MYO1B: variants seen among roughly 807,000 people sequenced by gnomAD.
MYO1B encodes the protein unconventional myosin-Ib.
Under a neutral mutation model 159.7 loss-of-function variants are expected in MYO1B, and 72 were observed. The observed-to-expected ratio is 0.45, with a 90% CI of 0.37 to 0.55. The LOEUF is 0.55. Among genes scored for constraint, MYO1B ranks in the 20% least tolerant of loss-of-function variants. The pLI is 0.00. For synonymous variants in MYO1B, 468 were observed against 473.8 expected (o/e 0.99, Z 0.16); for missense variants, 1,062 against 1,364.8 (o/e 0.78, Z 3.50).
At chr2:191,412,546 A>G (rs1004367768) in intron 27 of MYO1B, among the ~76,000 whole-genome samples, 7 of 152,356 alleles carry the variant, frequency 4.6e-5, no homozygotes, top group African/African-American at 1.7e-4. Flanking sequence ...ACCACCCTGC[A>G]AAGTGGCAGC....
At chr2:191,397,898 G>C (rs1173058029) in intron 21 of MYO1B, among the ~76,000 whole-genome samples, 3 of 126,508 alleles carry the variant, frequency 2.4e-5, no homozygotes, top group Non-Finnish European at 5.0e-5. Flanking sequence ...AGGGGCGGCC[G>C]GGCAGAGGCG....
chr2:191,264,887 GATC>G (rs1404304924), intron 1 of MYO1B, among the ~76,000 whole-genome samples: 2 of 151,998 alleles, frequency 1.3e-5, no homozygotes, highest in East Asian at 3.9e-4. Context: ...GCTGGGACAA[GATC>G]CTAGGAGATG....
intron 18 of MYO1B, among the ~76,000 whole-genome samples, chr2:191,390,804 T>C (rs1695700400): frequency 6.6e-6 from 1 of 152,262 alleles, no homozygotes; most frequent in Admixed American, 6.5e-5. Context: ...TAGAGACAGG[T>C]TGGATTACCA....
intron 2 of MYO1B, among the ~76,000 whole-genome samples, chr2:191,290,745 G>A (rs562892542): frequency 3.5e-4 from 54 of 152,276 alleles, no homozygotes; most frequent in Admixed American, 2.0e-3. Context: ...AGATGTTGCT[G>A]CAGTTTTTCT....
chr2:191,266,114 G>A (rs570400243), intron 1 of MYO1B, among the ~76,000 whole-genome samples: 1 of 152,312 alleles, frequency 6.6e-6, no homozygotes, highest in East Asian at 1.9e-4. Context: ...GGACAGTGGT[G>A]TTGGCTGCAT....
At chr2:191,306,312 AG>A (rs1689648990) in intron 3 of MYO1B, among the ~76,000 whole-genome samples, 1 of 152,174 alleles carries the variant, frequency 6.6e-6, no homozygotes, top group African/African-American at 2.4e-5. Context: ...AAAGGTCTGA[AG>A]GGGAGACAGA....
intron 11 of MYO1B, among the ~76,000 whole-genome samples, chr2:191,366,246 C>T (rs1277330782): frequency 6.6e-6 from 1 of 152,128 alleles, no homozygotes; most frequent in African/African-American, 2.4e-5. Flanking sequence ...GTATGGGAAC[C>T]AGGCCCAGGT....
Position 191,385,905 on chromosome 2 carries a change from A to G in MYO1B, c.1375A>G (p.Met459Val). The G allele has an allele frequency of 6.2e-7, 1 of 1,614,174 alleles. No individual in the cohort carries two copies. Among genetic ancestry groups the G allele is most frequent in the Non-Finnish European group, 8.5e-7 (1 of 1,179,998 alleles). The part of the protein sequence containing the change: ...IENNTNGILA[M>V]LDEECLRPGT... Reference sequence around the variant, plus strand: ...CCAGAACACAAATGGAATCCTGGCCATGCTGGATGAAGAGTGCCTCAGACC... The same window carrying G: ...CCAGAACACAAATGGAATCCTGGCCGTGCTGGATGAAGAGTGCCTCAGACC... The change falls in exon 16 of 31, where the codon ATG (methionine) becomes GTG (valine). Residue 459 changes from methionine (M) to valine (V), a missense_variant. Coordinates refer to ENST00000392318, the MANE Select transcript of MYO1B (RefSeq NM_001130158.3).
At chr2:191,366,523 CT>C (rs1029087152) in intron 11 of MYO1B, among the ~76,000 whole-genome samples, 2 of 152,058 alleles carry the variant, frequency 1.3e-5, no homozygotes, top group African/African-American at 4.8e-5. Flanking sequence ...CCAGCATCAT[CT>C]TTATTGCCCC....
chr2:191,411,899 T>G (rs932285092), intron 27 of MYO1B, among the ~76,000 whole-genome samples: 5 of 152,226 alleles, frequency 3.3e-5, no homozygotes, highest in African/African-American at 1.2e-4. Flanking sequence ...ATTGTACAAT[T>G]TCAAGCCAAA....
chr2:191,347,355 C>T (rs566755741), intron 6 of MYO1B, among the ~76,000 whole-genome samples: 1 of 152,264 alleles, frequency 6.6e-6, no homozygotes, highest in South Asian at 2.1e-4. Flanking sequence ...TGTGCCTTTT[C>T]CTGTTGTGGT....
In MYO1B at chr2:191,250,652, G is replaced by A. The variant is rs571746226; in HGVS notation, c.-10+5026G>A. ...ACTGTTTATTAAGTATTGGGTGCTT[G>A]CTTTGTGCTAGGCCTCATGCTGGGT... is the stretch of plus-strand genomic sequence containing the variant. On this transcript the variant is annotated intron_variant, in intron 1 of 30. Coordinates refer to ENST00000392318, the MANE Select transcript of MYO1B (RefSeq NM_001130158.3). 2.0e-5 allele frequency among the ~76,000 whole-genome samples: 3 copies of A among 152,320 alleles called. No homozygotes were observed. In the South Asian group the frequency reaches 6.2e-4, roughly 32 times the overall value.
rs945193593 is a variant in MYO1B at position 191,408,266 on chromosome 2, T to C, written c.2631+77T>C. On this transcript the variant is annotated intron_variant, in intron 25 of 30. Coordinates refer to ENST00000392318, the MANE Select transcript of MYO1B (RefSeq NM_001130158.3). ...CTAATATCACCAACTCCATAAAATGTGCCTTTTCCTAAATGACAAAAGTGA... is the reference window on the plus strand; with the variant it reads ...CTAATATCACCAACTCCATAAAATGCGCCTTTTCCTAAATGACAAAAGTGA... 4 of 1,013,168 alleles carry C rather than the reference T, an allele frequency of 3.9e-6. No homozygotes were observed. In the Admixed American group the frequency reaches 6.2e-5, roughly 16 times the overall value. The allele number at this position is 1,013,168 out of a possible 1,614,324, so 62.8% of individuals were successfully genotyped here.
At chr2:191,313,635 C>G (rs1017694033) in intron 3 of MYO1B, among the ~76,000 whole-genome samples, 1 of 152,178 alleles carries the variant, frequency 6.6e-6, no homozygotes, top group African/African-American at 2.4e-5. Context: ...CCACCCGCCT[C>G]GGCCCCCCAA....
intron 1 of MYO1B, among the ~76,000 whole-genome samples, chr2:191,264,132 A>C (rs903992781): frequency 6.6e-6 from 1 of 152,220 alleles, no homozygotes; most frequent in Admixed American, 6.5e-5. Flanking sequence ...TAATCAGTGT[A>C]GGTGAAATAA....
rs574885211 is a variant in MYO1B at position 191,416,776 on chromosome 2, C to T, written c.3287+534C>T. On this transcript the variant is annotated intron_variant, in intron 30 of 30. Coordinates refer to ENST00000392318, the MANE Select transcript of MYO1B (RefSeq NM_001130158.3). ...TTGCAATGAGCCGAGATCGTGCCAC[C>T]GCAATCCAGCCTGGGTGACAGTGTG... Among the ~76,000 whole-genome samples the T allele has an allele frequency of 1.7e-4, 26 of 151,772 alleles. No homozygotes were observed. In the South Asian group the frequency reaches 4.4e-3, roughly 26 times the overall value.
At chr2:191,360,174 T>G (rs2126008377) in intron 7 of MYO1B, among the ~76,000 whole-genome samples, 1 of 152,270 alleles carries the variant, frequency 6.6e-6, no homozygotes, top group East Asian at 1.9e-4. Flanking sequence ...TGATACCTTA[T>G]AAAAGGGTTG....
chr2:191,336,737 G>C (rs1212679119), intron 4 of MYO1B, among the ~76,000 whole-genome samples: 1 of 152,164 alleles, frequency 6.6e-6, no homozygotes, highest in Admixed American at 6.5e-5. Context: ...CCAAGCTGTA[G>C]AGTGCTTGTT....
At chr2:191,416,487 T>C (rs914016421) in intron 30 of MYO1B, 2 of 474,860 alleles carry the variant, frequency 4.2e-6, no homozygotes, top group Non-Finnish European at 7.5e-6. Flanking sequence ...AGATTTTGGC[T>C]AACAAGTGTT....
Sources: allele counts gnomAD v4.1 joint callset (sites outside exome capture counted in the v4.1 genomes callset), GRCh38; gene constraint gnomAD v4.1.1; transcripts MANE v1.5; gene names NCBI Gene and HGNC (gene_info 2026-07-23, HGNC 2026-07-21).